Variants in ATOH8 observed in about 807,000 individuals in gnomAD.
The protein encoded by ATOH8 is transcription factor ATOH8.
In ATOH8, 9 loss-of-function variants were observed where a neutral mutation model predicts 21.2. That is an observed-to-expected ratio of 0.42 (90% CI 0.26 to 0.74). The LOEUF (loss-of-function observed/expected upper bound fraction) is 0.74. Among genes scored for constraint, ATOH8 ranks in the 30% least tolerant of loss-of-function variants. ATOH8 has a pLI of 0.24. For synonymous variants in ATOH8, 253 were observed against 224.0 expected (o/e 1.13, Z -1.16); for missense variants, 524 against 470.9 (o/e 1.11, Z -1.04).
intron 2 of ATOH8, 78 bp from the exon 3 acceptor site, chr2:85,786,807 A>G (rs1345773828): frequency 6.2e-7 from 1 of 1,604,182 alleles, no homozygotes; most frequent in East Asian, 2.2e-5. Context: ...GACTCAGTGA[A>G]GGGACATTCT....
At chr2:85,764,272 T>G in intron 2 of ATOH8, 90 bp downstream of exon 2, 1 of 1,514,784 alleles carries the variant, frequency 6.6e-7, no homozygotes, top group Non-Finnish European at 9.0e-7. Context: ...TGCCCAGAAT[T>G]CTGAAGGGGC....
At chr2:85,784,434 T>TG (rs896443658) in intron 2 of ATOH8, among the ~76,000 whole-genome samples, 8 of 152,084 alleles carry the variant, frequency 5.3e-5, no homozygotes, top group Non-Finnish European at 1.0e-4. Context: ...CCCAGCTCCT[T>TG]GGGAGGCTGA....
At chr2:85,777,855 A>G (rs1211964094) in intron 2 of ATOH8, among the ~76,000 whole-genome samples, 1 of 152,230 alleles carries the variant, frequency 6.6e-6, no homozygotes, top group Non-Finnish European at 1.5e-5. Context: ...CAGTGGAAGC[A>G]TGAGGTAAGG....
chr2:85,774,568 G>A (rs769410185), intron 2 of ATOH8: 80 of 985,426 alleles, frequency 8.1e-5, no homozygotes, highest in African/African-American at 2.6e-4. Flanking sequence ...CACAGCCACC[G>A]GCGCCTGTCT....
chr2:85,754,800 A>T lies in ATOH8; in HGVS notation c.611A>T (p.Gln204Leu), dbSNP rs1396491671. The change falls in exon 1 of 3, where the codon CAG becomes CTG. Residue 204 changes from glutamine to leucine, a missense_variant. Transcript: ENST00000306279. ...SISHVIYNNH[Q>L]DSSASPRKRP... ...TCACACGTAATTTACAATAACCACC[A>T]GGATTCCTCCGCGTCGCCTAGGAAA... The T allele has an allele frequency of 6.2e-7, 1 of 1,612,930 alleles. No individual in the cohort carries two copies. The highest frequency in any genetic ancestry group is 8.5e-7 in the Non-Finnish European group (1 of 1,179,896).
chr2:85,771,125 T>C (rs78861674), intron 2 of ATOH8, among the ~76,000 whole-genome samples: 2,924 of 152,242 alleles, frequency 0.019, 114 homozygotes, highest in African/African-American at 0.066. Context: ...GCTGTGGTTC[T>C]TTCTGGTGCT....
At position 85,787,181 on chromosome 2, in the gene ATOH8, G is replaced by T. The variant is rs562190232; in HGVS notation, c.*291G>T. The stretch of plus-strand genomic sequence containing the variant: ...GCCCACTGTCCAGCTGCAGAAATTC[G>T]TTGCCAAAGATTGGACAGAGACACC... On this transcript the variant is annotated 3_prime_UTR_variant, in exon 3 of 3. Coordinates refer to ENST00000306279, the MANE Select transcript of ATOH8 (RefSeq NM_032827.7). 4.6e-6 allele frequency: 2 copies of T among 431,744 alleles called. No individual in the cohort carries two copies. Among genetic ancestry groups the T allele is most frequent in the East Asian group, 3.6e-5 (1 of 27,896 alleles). 26.7% of individuals were successfully genotyped at this position (431,744 alleles called of 1,614,324 possible).
intron 2 of ATOH8, among the ~76,000 whole-genome samples, chr2:85,784,610 C>T (rs981702999): frequency 3.3e-5 from 5 of 152,122 alleles, no homozygotes; most frequent in African/African-American, 1.2e-4. Context: ...CAGGACTTTT[C>T]GGAGCCTTTG....
chr2:85,769,731 C>T (rs972443534), intron 2 of ATOH8, among the ~76,000 whole-genome samples: 3 of 152,106 alleles, frequency 2.0e-5, no homozygotes, highest in Non-Finnish European at 4.4e-5. Flanking sequence ...ATAGCTGAGC[C>T]CAGGCCTCGG....
chr2:85,755,830 T>G (rs1210969451), intron 1 of ATOH8, among the ~76,000 whole-genome samples: 1 of 151,872 alleles, frequency 6.6e-6, no homozygotes, highest in East Asian at 1.9e-4. Flanking sequence ...AAGGAGGTGG[T>G]GAGTTCTCTC....
At chr2:85,773,602 A>G (rs1304918755) in intron 2 of ATOH8, 1 of 151,944 alleles carries the variant, frequency 6.6e-6, no homozygotes, top group Non-Finnish European at 1.5e-5. Context: ...CTTTGCACCC[A>G]TTTTCCATGG....
Position 85,756,154 on chromosome 2 carries a change from G to A in ATOH8, c.768+1197G>A, listed in dbSNP as rs1450471014. Among the ~76,000 whole-genome samples the A allele has an allele frequency of 2.9e-5, 4 of 137,888 alleles. 2 individuals carry two copies. The East Asian group carries it at 8.4e-4, about 29-fold the overall frequency. The allele number at this position is 137,888 out of a possible 152,430, so 90.5% of individuals were successfully genotyped here. A position where few individuals can be genotyped will look rare whatever the true frequency, so the allele number is the denominator to read the frequency against. ...TTTTGAGCCAAAGTGTCTTGCTTGG[G>A]CTTGGGGAAAGTGGTCAGTGAGGTG... On this transcript the variant is annotated intron_variant, in intron 1 of 2. Transcript: ENST00000306279.
chr2:85,769,295 C>G (rs1002175078), intron 2 of ATOH8, among the ~76,000 whole-genome samples: 3 of 152,230 alleles, frequency 2.0e-5, no homozygotes, highest in Non-Finnish European at 4.4e-5. Context: ...TCAAGTTGCT[C>G]AAAGGCCCTG....
chr2:85,767,391 G>A (rs1174204902), intron 2 of ATOH8, among the ~76,000 whole-genome samples: 1 of 151,934 alleles, frequency 6.6e-6, no homozygotes, highest in Non-Finnish European at 1.5e-5. Flanking sequence ...GAGCCAGGCA[G>A]GGGCCAGGGG....
intron 2 of ATOH8, chr2:85,781,123 T>C (rs1680476981): frequency 1.0e-6 from 1 of 977,824 alleles, no homozygotes; most frequent in Non-Finnish European, 1.2e-6. Context: ...CAGCTTATGA[T>C]GCAGCTTGTA....
At position 85,754,723 on chromosome 2, in the gene ATOH8, T is replaced by A. The variant is rs544483264; in HGVS notation, c.534T>A (p.Thr178=). Residue 178 remains threonine, a synonymous_variant, in exon 1 of 3, where the codon ACT becomes ACA. Coordinates refer to ENST00000306279, the MANE Select transcript of ATOH8 (RefSeq NM_032827.7). ...CACCGCCAGCGCCCCCGGAGTCCAC[T>A]GTGCGCCCTGCGCCCCCGACGCGCC... ...PPAPPAPPES[T]VRPAPPTRPG... The A allele has an allele frequency of 6.2e-7, 1 of 1,612,040 alleles. No individual in the cohort carries two copies. The highest frequency in any genetic ancestry group is 8.5e-7 in the Non-Finnish European group (1 of 1,179,492).
intron 1 of ATOH8, among the ~76,000 whole-genome samples, chr2:85,762,502 T>TC (rs1371603776): frequency 6.6e-6 from 1 of 152,026 alleles, no homozygotes; most frequent in Non-Finnish European, 1.5e-5. Context: ...ACATAGGCCT[T>TC]CCCCCCACAG....
chr2:85,754,441 T>C lies in ATOH8; in HGVS notation c.252T>C (p.Val84=), dbSNP rs766210396. 1 of 1,520,088 alleles carries C rather than the reference T, an allele frequency of 6.6e-7. No homozygotes were observed. The highest frequency in any genetic ancestry group is 2.1e-5 in the Admixed American group (1 of 46,748). 94.2% of individuals were successfully genotyped at this position (1,520,088 alleles called of 1,614,324 possible). A position where few individuals can be genotyped will look rare whatever the true frequency, so the allele number is the denominator to read the frequency against. ...TGCCAGTCCCAGTGGCGCCGGCCGT[T>C]CCCCCAAGAGGGGGCACGGACACAG... ...VPVPVPVAPA[V]PPRGGTDTAG... Residue 84 remains valine, a synonymous_variant, in exon 1 of 3, where the codon GTT becomes GTC. Coordinates refer to ENST00000306279, the MANE Select transcript of ATOH8 (RefSeq NM_032827.7).
At chr2:85,782,679 TTTGTTG>T (rs141808495) in intron 2 of ATOH8, among the ~76,000 whole-genome samples, 2 of 151,760 alleles carry the variant, frequency 1.3e-5, no homozygotes, top group African/African-American at 2.4e-5. Context: ...CCAGTATTTA[TTTGTTG>T]TTGTTGTTGT....
Sources: allele counts gnomAD v4.1 joint callset (sites outside exome capture counted in the v4.1 genomes callset), GRCh38; gene constraint gnomAD v4.1.1; transcripts MANE v1.5; gene names NCBI Gene and HGNC (gene_info 2026-07-23, HGNC 2026-07-21).